PGAP1: variants seen among roughly 807,000 people sequenced by gnomAD.
PGAP1 encodes GPI inositol-deacylase.
Under a neutral mutation model 127.0 loss-of-function variants are expected in PGAP1, and 76 were observed. The ratio of observed to expected loss-of-function variants is 0.60; its 90% CI spans 0.50 to 0.72. PGAP1 has a LOEUF of 0.72. PGAP1 is among the 30% of genes least tolerant of loss of function. PGAP1 has a pLI of 0.00. For missense variants in PGAP1, 982 were observed against 1,071.3 expected, an observed-to-expected ratio of 0.92 and a Z score of 1.16; for synonymous variants, 362 against 366.5, an observed-to-expected ratio of 0.99 and a Z score of 0.14.
chr2:196,915,976 A>G (rs1198517709), intron 3 of PGAP1, among the ~76,000 whole-genome samples: 1 of 152,168 alleles, frequency 6.6e-6, no homozygotes, highest in Non-Finnish European at 1.5e-5. Context: ...AATCCAGAGC[A>G]ATCATGGAGC....
chr2:196,866,274 A>G (rs1312935880), intron 19 of PGAP1, among the ~76,000 whole-genome samples: 1 of 152,208 alleles, frequency 6.6e-6, no homozygotes, highest in East Asian at 1.9e-4. Flanking sequence ...CAAAACAGAT[A>G]TACAGACCAA....
intron 19 of PGAP1, among the ~76,000 whole-genome samples, chr2:196,867,979 G>A (rs558601699): frequency 6.6e-6 from 1 of 152,298 alleles, no homozygotes; most frequent in Admixed American, 6.5e-5. Flanking sequence ...ATGACAAGCT[G>A]GGAAATATAC....
intron 5 of PGAP1, among the ~76,000 whole-genome samples, chr2:196,898,753 T>C (rs1702373794): frequency 6.6e-6 from 1 of 152,180 alleles, no homozygotes; most frequent in African/African-American, 2.4e-5. Flanking sequence ...TTTAGTAATT[T>C]AAATTTTGAC....
chr2:196,919,714 G>A (rs1703124774), intron 2 of PGAP1, among the ~76,000 whole-genome samples: 1 of 152,146 alleles, frequency 6.6e-6, no homozygotes, highest in African/African-American at 2.4e-5. Flanking sequence ...TTCCTCTGCT[G>A]ATTCCCCAAG....
At chr2:196,878,525 T>G (rs1465530324) in intron 13 of PGAP1, among the ~76,000 whole-genome samples, 1 of 152,154 alleles carries the variant, frequency 6.6e-6, no homozygotes, top group Non-Finnish European at 1.5e-5. Flanking sequence ...ATTTTTGGAT[T>G]AAGGGTGCTC....
intron 21 of PGAP1, chr2:196,847,729 C>A (rs1027843702): frequency 3.1e-5 from 11 of 352,536 alleles, no homozygotes; most frequent in African/African-American, 2.4e-4. Context: ...TAAGTTTAGA[C>A]TGATATACAT....
At chr2:196,864,546 A>G (rs1322401729) in intron 20 of PGAP1, among the ~76,000 whole-genome samples, 7 of 152,208 alleles carry the variant, frequency 4.6e-5, no homozygotes, top group Admixed American at 3.9e-4. Flanking sequence ...CTTGATTCCT[A>G]TATGTATTTT....
At position 196,845,967 on chromosome 2, in the gene PGAP1, A is replaced by G. The variant is rs1700545734; in HGVS notation, c.2201T>C (p.Phe734Ser). The change falls in exon 23 of 27, where the codon TTT becomes TCT. Residue 734 changes from phenylalanine to serine, a missense_variant. By Grantham distance (155) the Phe-to-Ser change is radical. Transcript: ENST00000354764. The part of the protein sequence containing the change: ...DIKMISPDLP[F>S]LTIVLIIVSW... ...AACTATGATCAAGACAATTGTCAAAAAGGGCAAGTCTGGTGATATCATCTT... is the reference window on the plus strand; with the variant it reads ...AACTATGATCAAGACAATTGTCAAAGAGGGCAAGTCTGGTGATATCATCTT... 1.2e-6 allele frequency: 2 copies of G among 1,607,598 alleles called. No homozygotes were observed. Among genetic ancestry groups the G allele is most frequent in the East Asian group, 4.5e-5 (2 of 44,686 alleles).
chr2:196,862,788 C>G (rs1273627119), intron 20 of PGAP1, among the ~76,000 whole-genome samples: 1 of 152,160 alleles, frequency 6.6e-6, no homozygotes, highest in African/African-American at 2.4e-5. Flanking sequence ...CATGGTGGCC[C>G]ATGCCTGTAA....
chr2:196,919,860 C>A lies in PGAP1; in HGVS notation c.301+137G>T, dbSNP rs1306603943. On this transcript the variant is annotated intron_variant, in intron 2 of 26. Transcript: ENST00000354764. ...CTCAGAGAAAATATTATATTTTGGT[C>A]TCTCTGTAAGCCCAGCACAGCACTT... 5 of 810,522 alleles carry A rather than the reference C, an allele frequency of 6.2e-6. No homozygotes were observed. In the East Asian group the frequency reaches 1.3e-4, roughly 21 times the overall value. 50.2% of individuals were successfully genotyped at this position (810,522 alleles called of 1,614,324 possible). A position where few individuals can be genotyped will look rare whatever the true frequency, so the allele number is the denominator to read the frequency against.
In PGAP1 at chr2:196,892,341, CT is replaced by C; in HGVS notation, c.1089+4del. The C allele has an allele frequency of 7.2e-7, 1 of 1,381,778 alleles. No individual in the cohort carries two copies. Among genetic ancestry groups the C allele is most frequent in the Non-Finnish European group, 1.0e-6 (1 of 998,078 alleles). The allele number at this position is 1,381,778 out of a possible 1,614,324, so 85.6% of individuals were successfully genotyped here. On this transcript the variant is annotated splice_donor_region_variant and intron_variant, in intron 9 of 26. Transcript: ENST00000354764. ...TGAAAAAAAATCCATTGGTGGAATA[CT>C]TACGTTGTAAGCTACATAGGTCCAT...
At chr2:196,900,112 T>G (rs538132246) in intron 5 of PGAP1, among the ~76,000 whole-genome samples, 1 of 152,342 alleles carries the variant, frequency 6.6e-6, no homozygotes, top group South Asian at 2.1e-4. Flanking sequence ...GTGTGCCATT[T>G]GTAGGCCTGA....
chr2:196,913,867 T>C (rs1329142308), intron 3 of PGAP1, among the ~76,000 whole-genome samples: 2 of 152,164 alleles, frequency 1.3e-5, no homozygotes, highest in Non-Finnish European at 2.9e-5. Context: ...CCTAAACTGT[T>C]TGTGCAAACA....
chr2:196,869,492 G>A (rs896390168), intron 19 of PGAP1, among the ~76,000 whole-genome samples: 1 of 152,058 alleles, frequency 6.6e-6, no homozygotes, highest in Non-Finnish European at 1.5e-5. Context: ...CCGCCACCAC[G>A]TCCGGCTAAT....
chr2:196,887,257 G>A (rs1053142034), intron 10 of PGAP1, among the ~76,000 whole-genome samples: 14 of 152,182 alleles, frequency 9.2e-5, no homozygotes, highest in East Asian at 1.9e-4. Flanking sequence ...GGTGGTGGGC[G>A]TCTGTAGTCC....
At chr2:196,889,861 A>C (rs923964399) in intron 10 of PGAP1, among the ~76,000 whole-genome samples, 2 of 150,206 alleles carry the variant, frequency 1.3e-5, no homozygotes, top group Non-Finnish European at 3.0e-5. Context: ...TCCGTCTCAA[A>C]AAAAAAAAAA....
At chr2:196,853,910 ATTTTT>A (rs59361073) in intron 20 of PGAP1, among the ~76,000 whole-genome samples, 1 of 130,412 alleles carries the variant, frequency 7.7e-6, no homozygotes, top group East Asian at 2.2e-4. Context: ...CCAAAGATGA[ATTTTT>A]TTTTTTTTTT....
intron 25 of PGAP1, among the ~76,000 whole-genome samples, chr2:196,843,484 G>A (rs777514704): frequency 1.3e-5 from 2 of 152,020 alleles, no homozygotes; most frequent in Non-Finnish European, 2.9e-5. Flanking sequence ...ATTGAATAGG[G>A]GTTCAACTAC....
chr2:196,842,081 T>C (rs1700429638), intron 26 of PGAP1, among the ~76,000 whole-genome samples: 1 of 151,290 alleles, frequency 6.6e-6, no homozygotes. Context: ...AAGAACCATC[T>C]TACATTCCCA....
Sources: gnomAD v4.1 joint callset for allele counts (sites outside exome capture counted in the v4.1 genomes callset) on GRCh38, gnomAD v4.1.1 for gene constraint, MANE v1.5 for transcripts, NCBI Gene and HGNC (gene_info 2026-07-23, HGNC 2026-07-21) for gene names.